CDH18: variants seen among roughly 807,000 people sequenced by gnomAD.
CDH18 encodes the protein cadherin-18.
In CDH18, 31 loss-of-function variants were observed where a neutral mutation model predicts 67.9. That is an observed-to-expected ratio of 0.46 (90% CI 0.34 to 0.62). The LOEUF (loss-of-function observed/expected upper bound fraction) is 0.62. CDH18 is among the 20% of genes least tolerant of loss of function. The pLI is 0.01. For missense variants in CDH18, 890 were observed against 975.5 expected, an observed-to-expected ratio of 0.91 and a Z score of 1.17; for synonymous variants, 362 against 347.2, an observed-to-expected ratio of 1.04 and a Z score of -0.48.
chr5:20,372,028 T>A (rs528966648), intron 1 of CDH18, among the ~76,000 whole-genome samples: 2 of 152,326 alleles, frequency 1.3e-5, no homozygotes, highest in East Asian at 3.9e-4. Context: ...GTGATATTGA[T>A]AACTTCCTTG....
rs887251281 is a variant in CDH18, at chr5:19,700,100, T to G, written c.643+21247A>C. ...GTCTTTCGAAAGAGTAAGATACAATTATATTTTTGTAAAGTAGCAATCATC... is the reference window on the plus strand; with the variant it reads ...GTCTTTCGAAAGAGTAAGATACAATGATATTTTTGTAAAGTAGCAATCATC... On this transcript the variant is annotated intron_variant, in intron 5 of 12. Coordinates refer to ENST00000382275, the MANE Select transcript of CDH18 (RefSeq NM_004934.5). Among the ~76,000 whole-genome samples, 6 of 152,304 alleles carry G rather than the reference T, an allele frequency of 3.9e-5. No homozygotes were observed. In the South Asian group the frequency reaches 1.2e-3, roughly 32 times the overall value.
intron 2 of CDH18, among the ~76,000 whole-genome samples, chr5:20,254,968 A>G (rs906279937): frequency 1.3e-5 from 2 of 152,178 alleles, no homozygotes; most frequent in Non-Finnish European, 2.9e-5. Flanking sequence ...CTTCTGCAGC[A>G]ATGCGAATGG....
At chr5:20,256,511 T>C (rs951678096) in intron 1 of CDH18, among the ~76,000 whole-genome samples, 8 of 152,084 alleles carry the variant, frequency 5.3e-5, no homozygotes, top group Non-Finnish European at 1.2e-4. Flanking sequence ...GTGCCAAACA[T>C]TATTATTTAT....
chr5:20,110,834 T>C (rs982987732), intron 2 of CDH18, among the ~76,000 whole-genome samples: 1 of 152,216 alleles, frequency 6.6e-6, no homozygotes, highest in African/African-American at 2.4e-5. Flanking sequence ...AAGCACACTT[T>C]TATTTTTCAC....
At chr5:19,668,901 A>G (rs1758331510) in intron 5 of CDH18, among the ~76,000 whole-genome samples, 1 of 151,754 alleles carries the variant, frequency 6.6e-6, no homozygotes, top group South Asian at 2.1e-4. Context: ...GTACTATATT[A>G]TAATTCTTGA....
At chr5:20,217,473 T>A (rs1480202323) in intron 2 of CDH18, among the ~76,000 whole-genome samples, 2 of 151,874 alleles carry the variant, frequency 1.3e-5, no homozygotes, top group East Asian at 3.9e-4. Flanking sequence ...TGAGTTATAT[T>A]ATTTTCAAGC....
chr5:19,709,218 G>A (rs560355373), intron 5 of CDH18, among the ~76,000 whole-genome samples: 1 of 152,104 alleles, frequency 6.6e-6, no homozygotes, highest in African/African-American at 2.4e-5. Context: ...AGGGTTTGGG[G>A]AACTTTCTTC....
chr5:20,222,027 A>T lies in CDH18; in HGVS notation c.-518+33417T>A, dbSNP rs192430312. Among the ~76,000 whole-genome samples, 125 of 152,212 alleles carry T rather than the reference A, an allele frequency of 8.2e-4. 1 individual carries two copies. The highest frequency in any genetic ancestry group is 2.8e-3 in the African/African-American group (115 of 41,564). ...AAAGCTCCAGATCAGTACCACCCTTACACGTCACAAGAGTTGCTCTTCCCT... is the reference window on the plus strand; with the variant it reads ...AAAGCTCCAGATCAGTACCACCCTTTCACGTCACAAGAGTTGCTCTTCCCT... On this transcript the variant is annotated intron_variant, in intron 2 of 14. Transcript: ENST00000507958.
At chr5:20,130,968 A>C (rs1749218662) in intron 2 of CDH18, among the ~76,000 whole-genome samples, 1 of 151,386 alleles carries the variant, frequency 6.6e-6, no homozygotes, top group African/African-American at 2.5e-5. Context: ...TTGTCAAACA[A>C]AGAATAATTT....
intron 10 of CDH18, among the ~76,000 whole-genome samples, chr5:19,516,868 T>C (rs1746103074): frequency 6.6e-6 from 1 of 152,090 alleles, no homozygotes; most frequent in Admixed American, 6.6e-5. Flanking sequence ...ACAATTTGCT[T>C]AACCATTCAC....
intron 2 of CDH18, among the ~76,000 whole-genome samples, chr5:19,959,269 G>A (rs1441975851): frequency 1.3e-5 from 2 of 151,902 alleles, no homozygotes; most frequent in African/African-American, 2.4e-5. Flanking sequence ...AGGTGAGTGT[G>A]TGTAAAACTA....
At chr5:19,484,509 T>C (rs935160309) in intron 11 of CDH18, among the ~76,000 whole-genome samples, 2 of 152,242 alleles carry the variant, frequency 1.3e-5, no homozygotes, top group African/African-American at 4.8e-5. Flanking sequence ...AAAACCCACA[T>C]GGTCCATACT....
At chr5:20,256,104 A>G (rs1346853080) in intron 1 of CDH18, among the ~76,000 whole-genome samples, 1 of 152,024 alleles carries the variant, frequency 6.6e-6, no homozygotes, top group Non-Finnish European at 1.5e-5. Context: ...AGATATTTCA[A>G]TAAATTAAAA....
chr5:20,574,759 C>T (rs1022910213), intron 1 of CDH18, among the ~76,000 whole-genome samples: 2 of 152,052 alleles, frequency 1.3e-5, no homozygotes, highest in East Asian at 1.9e-4. Flanking sequence ...TTAACCCGCA[C>T]GTAGCATCAC....
Position 19,914,455 on chromosome 5 carries a change from A to C in CDH18, c.-257+66605T>G, listed in dbSNP as rs146902030. Among the ~76,000 whole-genome samples the C allele has an allele frequency of 1.3e-3, 196 of 152,226 alleles. 1 individual carries two copies. Among genetic ancestry groups the C allele is most frequent in the African/African-American group, 4.6e-3 (190 of 41,552 alleles). ...CTTATTTTTATATTTGGACTTATCT[A>C]TCTATATACACACATAAGTGTGTGG... On this transcript the variant is annotated intron_variant, in intron 2 of 12. Coordinates refer to ENST00000382275, the MANE Select transcript of CDH18 (RefSeq NM_004934.5).
chr5:19,494,069 T>C (rs1029492242), intron 11 of CDH18, among the ~76,000 whole-genome samples: 1 of 152,182 alleles, frequency 6.6e-6, no homozygotes, highest in Non-Finnish European at 1.5e-5. Flanking sequence ...CAAATGAGTA[T>C]TTTGACACTA....
intron 1 of CDH18, among the ~76,000 whole-genome samples, chr5:20,422,442 AGGTGTAGTT>A (rs1747936140): frequency 6.6e-6 from 1 of 151,032 alleles, no homozygotes; most frequent in Non-Finnish European, 1.5e-5. Context: ...CTTTATAGCC[AGGTGTAGTT>A]CTATACCTAC....
intron 1 of CDH18, among the ~76,000 whole-genome samples, chr5:20,303,745 C>T (rs561141065): frequency 6.6e-6 from 1 of 152,156 alleles, no homozygotes; most frequent in South Asian, 2.1e-4. Context: ...GAATTGATAC[C>T]ATGATTGCAG....
chr5:20,535,223 T>C (rs1168865106), intron 1 of CDH18, among the ~76,000 whole-genome samples: 1 of 152,150 alleles, frequency 6.6e-6, no homozygotes, highest in Non-Finnish European at 1.5e-5. Context: ...AGGACTGAAG[T>C]GCCGATTTGC....
Sources: allele counts gnomAD v4.1 joint callset (sites outside exome capture counted in the v4.1 genomes callset), GRCh38; gene constraint gnomAD v4.1.1; transcripts MANE v1.5; gene names NCBI Gene and HGNC (gene_info 2026-07-23, HGNC 2026-07-21).